FRMPD4: variants seen among roughly 807,000 people sequenced by gnomAD.
FRMPD4 encodes the protein FERM and PDZ domain containing 4, also known as FERM and PDZ domain-containing protein 4.
FRMPD4 carries 22 observed loss-of-function variants against 94.1 expected under a neutral mutation model. The ratio of observed to expected loss-of-function variants is 0.23; its 90% CI spans 0.17 to 0.33. The LOEUF is 0.33. Ranked by LOEUF, FRMPD4 falls within the 10% of genes least tolerant of loss-of-function variation. The pLI is 1.00. For synonymous variants in FRMPD4, 631 were observed against 548.6 expected (o/e 1.15, Z -2.10); for missense variants, 1,111 against 1,339.9 (o/e 0.83, Z 2.67).
At position 11,994,875 on chromosome X, in the gene FRMPD4, G is replaced by A. The variant is rs1199485396; in HGVS notation, c.95+116857G>A. ...AGAAGACATCAGTTCTGTAAGAATT[G>A]ATGCTTAGTCTTTCATTCCAGCTCT... On this transcript the variant is annotated intron_variant, in intron 3 of 18. Coordinates refer to the FRMPD4 transcript ENST00000640291. Among the ~76,000 whole-genome samples, 3 of 111,644 alleles carry A rather than the reference G, an allele frequency of 2.7e-5. No individual in the cohort carries two copies. The Admixed American group carries it at 2.8e-4, about 11-fold the overall frequency.
intron 3 of FRMPD4, among the ~76,000 whole-genome samples, chrX:12,080,325 G>A (rs6640883): frequency 1.8e-5 from 2 of 111,917 alleles, no homozygotes; most frequent in South Asian, 7.4e-4. Context: ...AAGCTTTCTG[G>A]TTTGGACGAT....
Position 12,459,650 on chromosome X carries a change from T to A in FRMPD4, c.42-39030T>A, listed in dbSNP as rs758689950. Among the ~76,000 whole-genome samples, 10 of 112,289 alleles carry A rather than the reference T, an allele frequency of 8.9e-5. No homozygotes were observed. In the South Asian group the frequency reaches 2.9e-3, roughly 33 times the overall value. On this transcript the variant is annotated intron_variant, in intron 1 of 16. Transcript: ENST00000675598. ...TATTTTGCTTATTTGCACTGTGCAG[T>A]GGTATTCCATACTATAGATATACCA...
At chrX:12,140,763 G>A (rs1415967649) in intron 1 of FRMPD4, among the ~76,000 whole-genome samples, 1 of 112,181 alleles carries the variant, frequency 8.9e-6, no homozygotes, top group Non-Finnish European at 1.9e-5. Flanking sequence ...CTAAATTCTA[G>A]GATGCCTACA....
intron 3 of FRMPD4, among the ~76,000 whole-genome samples, chrX:12,014,134 G>A (rs1000271571): frequency 7.2e-5 from 8 of 111,431 alleles, no homozygotes; most frequent in Non-Finnish European, 1.1e-4. Context: ...CCTTCATTCA[G>A]AGGACGCCAG....
intron 3 of FRMPD4, among the ~76,000 whole-genome samples, chrX:12,026,852 T>C (rs781646940): frequency 1.8e-5 from 2 of 112,779 alleles, no homozygotes; most frequent in South Asian, 7.4e-4. Flanking sequence ...ATATTTCATG[T>C]CATAAATCAT....
intron 3 of FRMPD4, among the ~76,000 whole-genome samples, chrX:11,945,215 C>T: frequency 8.9e-6 from 1 of 112,070 alleles, no homozygotes; most frequent in Admixed American, 9.4e-5. Flanking sequence ...GACACTAGGG[C>T]ATGACACAGA....
chrX:12,300,361 G>A (rs2054840363), intron 1 of FRMPD4, among the ~76,000 whole-genome samples: 1 of 111,887 alleles, frequency 8.9e-6, no homozygotes, highest in African/African-American at 3.3e-5. Flanking sequence ...CCAGGGGAGG[G>A]CCAGTAAGGC....
At chrX:12,233,373 ATTGT>A (rs2057033819) in intron 1 of FRMPD4, among the ~76,000 whole-genome samples, 1 of 111,939 alleles carries the variant, frequency 8.9e-6, no homozygotes, top group Non-Finnish European at 1.9e-5. Flanking sequence ...AAAATTATTC[ATTGT>A]TTATCTGAAA....
chrX:12,511,949 C>T (rs1199917314), intron 2 of FRMPD4, among the ~76,000 whole-genome samples: 1 of 111,690 alleles, frequency 9.0e-6, no homozygotes, highest in Non-Finnish European at 1.9e-5. Flanking sequence ...GTGGAATTAC[C>T]AATAGATAAC....
At chrX:12,516,784 T>C (rs188578090) in intron 2 of FRMPD4, among the ~76,000 whole-genome samples, 1 of 111,709 alleles carries the variant, frequency 9.0e-6, no homozygotes, top group Admixed American at 9.5e-5. Flanking sequence ...TCCTGAAGTA[T>C]GTTTTCCAAC....
At chrX:11,883,521 A>T (rs975053761) in intron 3 of FRMPD4, among the ~76,000 whole-genome samples, 6 of 111,162 alleles carry the variant, frequency 5.4e-5, no homozygotes, top group Non-Finnish European at 1.1e-4. Context: ...TCTAGGGGGG[A>T]TGGAAAATAA....
chrX:12,105,336 C>T (rs2055287893), intron 3 of FRMPD4, among the ~76,000 whole-genome samples: 1 of 112,397 alleles, frequency 8.9e-6, no homozygotes, highest in South Asian at 3.7e-4. Flanking sequence ...ATATATAATT[C>T]ATGGTTTTGA....
chrX:12,677,389 G>A (rs1047657018), intron 5 of FRMPD4, among the ~76,000 whole-genome samples: 2 of 110,606 alleles, frequency 1.8e-5, no homozygotes, highest in Non-Finnish European at 3.8e-5. Context: ...ATCAGACATG[G>A]AGAGGAGAGC....
At chrX:12,657,763 T>C (rs1489720734) in intron 4 of FRMPD4, among the ~76,000 whole-genome samples, 3 of 112,401 alleles carry the variant, frequency 2.7e-5, no homozygotes, top group African/African-American at 9.7e-5. Flanking sequence ...ATTGAATAAT[T>C]AATTAACAGA....
chrX:12,541,139 G>A (rs762947649), intron 2 of FRMPD4, among the ~76,000 whole-genome samples: 3 of 111,876 alleles, frequency 2.7e-5, no homozygotes, highest in African/African-American at 9.7e-5. Context: ...AGAAAGCAGG[G>A]AAGATCTAAA....
At chrX:12,099,089 A>T (rs866037912) in intron 3 of FRMPD4, among the ~76,000 whole-genome samples, 1 of 43,311 alleles carries the variant, frequency 2.3e-5, no homozygotes, top group Non-Finnish European at 4.2e-5. Flanking sequence ...GGGAGGGGGG[A>T]GGGATAGCAC....
At chrX:12,170,900 T>G (rs746294322) in intron 1 of FRMPD4, among the ~76,000 whole-genome samples, 1 of 113,234 alleles carries the variant, frequency 8.8e-6, no homozygotes, top group African/African-American at 3.2e-5. Flanking sequence ...TTTGGGTGGC[T>G]TTCCATTCAC....
intron 3 of FRMPD4, among the ~76,000 whole-genome samples, chrX:11,955,837 T>C (rs767810395): frequency 9.0e-6 from 1 of 111,133 alleles, no homozygotes; most frequent in South Asian, 3.8e-4. Flanking sequence ...GCTAAGTGGG[T>C]ATCATTTCAC....
At chrX:12,256,341 T>A (rs2054114795) in intron 1 of FRMPD4, among the ~76,000 whole-genome samples, 1 of 112,157 alleles carries the variant, frequency 8.9e-6, no homozygotes, top group African/African-American at 3.2e-5. Context: ...TAGGGCTATA[T>A]GTCACCAGGC....
Sources: gnomAD v4.1 joint callset for allele counts (sites outside exome capture counted in the v4.1 genomes callset) on GRCh38, gnomAD v4.1.1 for gene constraint, MANE v1.5 for transcripts, NCBI Gene and HGNC (gene_info 2026-07-23, HGNC 2026-07-21) for gene names.